GTF2IRD1: variants seen among roughly 807,000 people sequenced by gnomAD.
The protein encoded by GTF2IRD1 is GTF2I repeat domain containing 1, also known as general transcription factor II-I repeat domain-containing protein 1.
GTF2IRD1 carries 26 observed loss-of-function variants against 113.2 expected under a neutral mutation model. That is an observed-to-expected ratio of 0.23 (90% CI 0.17 to 0.32). GTF2IRD1 has a LOEUF of 0.32. GTF2IRD1 is among the 10% of genes least tolerant of loss of function. The pLI is 1.00. For synonymous variants in GTF2IRD1, 484 were observed against 529.1 expected, an observed-to-expected ratio of 0.91 and a Z score of 1.17; for missense variants, 864 against 1,280.8, an observed-to-expected ratio of 0.67 and a Z score of 4.97.
chr7:74,562,739 T>C (rs1800055695), intron 22 of GTF2IRD1, among the ~76,000 whole-genome samples: 1 of 151,792 alleles, frequency 6.6e-6, no homozygotes, highest in African/African-American at 2.4e-5. Context: ...AGCTAAATTT[T>C]TGTATTTGTA....
At chr7:74,576,155 G>C (rs1440292041) in intron 22 of GTF2IRD1, among the ~76,000 whole-genome samples, 1 of 151,930 alleles carries the variant, frequency 6.6e-6, no homozygotes, top group South Asian at 2.1e-4. Flanking sequence ...GTGAGACCCT[G>C]TCTCAAAAAA....
Position 74,569,534 on chromosome 7 carries a change from A to G in GTF2IRD1, c.2320+9879A>G, listed in dbSNP as rs145187321. ...GAATGGTAAAGGGCCTAGCCTGCAA[A>G]GCTAGTAACTTGAGCTTTATTTTGT... On this transcript the variant is annotated intron_variant, in intron 22 of 26. Transcript: ENST00000424337. Among the ~76,000 whole-genome samples the G allele has an allele frequency of 9.7e-4, 148 of 152,332 alleles. 1 individual carries two copies. The highest frequency in any genetic ancestry group is 3.2e-3 in the African/African-American group (135 of 41,570).
At chr7:74,457,082 C>G (rs1218300917) in intron 1 of GTF2IRD1, among the ~76,000 whole-genome samples, 1 of 152,046 alleles carries the variant, frequency 6.6e-6, no homozygotes, top group African/African-American at 2.4e-5. Context: ...CCTCGAACTC[C>G]TGGACTCAAG....
chr7:74,591,863 T>A (rs1554369806), intron 24 of GTF2IRD1, among the ~76,000 whole-genome samples: 5 of 149,976 alleles, frequency 3.3e-5, no homozygotes, highest in Non-Finnish European at 4.4e-5. Flanking sequence ...CAAGTGATCC[T>A]CCCACCTCGG....
At position 74,512,764 on chromosome 7, in the gene GTF2IRD1, A is replaced by C; in HGVS notation, c.124-66A>C. 6.6e-7 allele frequency: 1 copy of C among 1,511,254 alleles called. No homozygotes were observed. The highest frequency in any genetic ancestry group is 9.0e-7 in the Non-Finnish European group (1 of 1,105,060). 93.6% of individuals were successfully genotyped at this position (1,511,254 alleles called of 1,614,324 possible). A position where few individuals can be genotyped will look rare whatever the true frequency, so the allele number is the denominator to read the frequency against. On this transcript the variant is annotated intron_variant, in intron 2 of 26. Coordinates refer to ENST00000424337, the MANE Select transcript of GTF2IRD1 (RefSeq NM_005685.4). The surrounding 1 kb of genome is among the most constrained non-coding windows in gnomAD (Gnocchi z 4.4). ...CTGGGAGCTCACATCCCACCCCCGA[A>C]GTGGATACTAGAGGTGTTCGGAGTA...
intron 22 of GTF2IRD1, among the ~76,000 whole-genome samples, chr7:74,564,056 T>C (rs1303540480): frequency 6.6e-6 from 1 of 151,992 alleles, no homozygotes; most frequent in African/African-American, 2.4e-5. Context: ...ATGGAGTTTC[T>C]CTTCTTGTTG....
chr7:74,489,592 C>T (rs187600287), intron 1 of GTF2IRD1, among the ~76,000 whole-genome samples: 1 of 152,302 alleles, frequency 6.6e-6, no homozygotes, highest in Non-Finnish European at 1.5e-5. Context: ...ATCTGCCCAC[C>T]TTGGCCTCCC....
intron 22 of GTF2IRD1, among the ~76,000 whole-genome samples, chr7:74,582,678 A>C (rs1179125373): frequency 3.3e-5 from 5 of 152,146 alleles, no homozygotes; most frequent in Admixed American, 1.3e-4. Context: ...ATTAGGGATT[A>C]GAATCAAGAT....
At chr7:74,480,320 C>T (rs1268391876) in intron 1 of GTF2IRD1, among the ~76,000 whole-genome samples, 1 of 152,014 alleles carries the variant, frequency 6.6e-6, no homozygotes, top group African/African-American at 2.4e-5. Context: ...ATTGTCCCCA[C>T]GTGTGTGTGT....
At chr7:74,522,890 G>A (rs987944660) in intron 7 of GTF2IRD1, among the ~76,000 whole-genome samples, 1 of 152,160 alleles carries the variant, frequency 6.6e-6, no homozygotes, top group Non-Finnish European at 1.5e-5. Flanking sequence ...AGTTAAAGTT[G>A]TTACTTTTAC....
chr7:74,460,273 T>G (rs1278820424), intron 1 of GTF2IRD1, among the ~76,000 whole-genome samples: 2 of 151,678 alleles, frequency 1.3e-5, no homozygotes, highest in Non-Finnish European at 2.9e-5. Context: ...TCATTTTTAT[T>G]TTATTCTATT....
chr7:74,505,434 G>T (rs1796250402), intron 1 of GTF2IRD1, among the ~76,000 whole-genome samples: 1 of 152,280 alleles, frequency 6.6e-6, no homozygotes, highest in East Asian at 1.9e-4. Flanking sequence ...GGGACAGGGG[G>T]TCCTACAAGC....
intron 17 of GTF2IRD1, among the ~76,000 whole-genome samples, 153 bp downstream of exon 17, chr7:74,547,439 CTTTT>C (rs782144976): frequency 1.8e-5 from 2 of 111,208 alleles, no homozygotes; most frequent in Admixed American, 1.0e-4. Flanking sequence ...CATGCCCAGC[CTTTT>C]TTTTTTTTTT....
chr7:74,518,909 T>G (rs1797106483), intron 5 of GTF2IRD1, among the ~76,000 whole-genome samples: 1 of 151,862 alleles, frequency 6.6e-6, no homozygotes, highest in Admixed American at 6.6e-5. Context: ...ATATGGCATT[T>G]TAGGTGTCAG....
intron 1 of GTF2IRD1, among the ~76,000 whole-genome samples, chr7:74,486,593 G>A (rs1795041399): frequency 6.6e-6 from 1 of 152,110 alleles, no homozygotes; most frequent in African/African-American, 2.4e-5. Context: ...TTGTGTTGTG[G>A]CCCCTACAGA....
intron 22 of GTF2IRD1, among the ~76,000 whole-genome samples, chr7:74,571,790 G>A (rs1161150528): frequency 6.6e-6 from 1 of 152,132 alleles, no homozygotes; most frequent in Non-Finnish European, 1.5e-5. Context: ...GACCCTGGGA[G>A]TTGGAGGCTG....
Position 74,557,706 on chromosome 7 carries a change from T to C in GTF2IRD1, c.2091T>C (p.Leu697=). The change falls in exon 20 of 27, where the codon CTT becomes CTC. Residue 697 remains leucine (L), a synonymous_variant. Transcript: ENST00000424337. ...ANTLREQVQD[L]FNKKYGEALG... ...CACTAAGGGAGCAGGTCCAGGACCT[T>C]TTCAATAAGAAATACGGTAAGCAGT... 1 of 1,608,812 alleles carries C rather than the reference T, an allele frequency of 6.2e-7. No individual in the cohort carries two copies. The highest frequency in any genetic ancestry group is 8.5e-7 in the Non-Finnish European group (1 of 1,175,398).
chr7:74,476,034 C>T (rs964171861), intron 1 of GTF2IRD1, among the ~76,000 whole-genome samples: 1 of 152,140 alleles, frequency 6.6e-6, no homozygotes, highest in Non-Finnish European at 1.5e-5. Context: ...TCCAGGTACC[C>T]GATAACGGAT....
At chr7:74,473,676 A>T (rs1203584620) in intron 1 of GTF2IRD1, among the ~76,000 whole-genome samples, 1 of 152,020 alleles carries the variant, frequency 6.6e-6, no homozygotes, top group Admixed American at 6.6e-5. Flanking sequence ...GAGGGGAGGC[A>T]GACTGAACCT....
Sources: gnomAD v4.1 joint callset for allele counts (sites outside exome capture counted in the v4.1 genomes callset) on GRCh38, gnomAD v4.1.1 for gene constraint, Gnocchi (gnomAD v3.1) non-coding constraint, MANE v1.5 for transcripts, NCBI Gene and HGNC (gene_info 2026-07-23, HGNC 2026-07-21) for gene names.